The following MERTK variants were observed in gnomAD, a reference collection of about 807,000 sequenced individuals.
The protein encoded by MERTK is MER proto-oncogene, tyrosine kinase, also known as tyrosine-protein kinase Mer.
Under a neutral mutation model 99.3 loss-of-function variants are expected in MERTK, and 69 were observed. That is an observed-to-expected ratio of 0.70 (90% CI 0.57 to 0.85). The LOEUF (loss-of-function observed/expected upper bound fraction) is 0.85, where lower values mean the gene tolerates loss of function less well. MERTK is among the 40% of genes least tolerant of loss of function. MERTK has a pLI of 0.00. For synonymous variants in MERTK, 426 were observed against 467.6 expected, an observed-to-expected ratio of 0.91 and a Z score of 1.15; for missense variants, 1,125 against 1,249.4, an observed-to-expected ratio of 0.90 and a Z score of 1.50.
chr2:112,004,120 G>T, intron 13 of MERTK, 136 bp downstream of exon 13: 1 of 743,436 alleles, frequency 1.3e-6, no homozygotes, highest in Non-Finnish European at 2.4e-6. Context: ...CACCAAGGGG[G>T]ACTTACTTTA....
chr2:111,971,995 A>G (rs1676128213), intron 6 of MERTK, among the ~76,000 whole-genome samples: 1 of 151,616 alleles, frequency 6.6e-6, no homozygotes, highest in Non-Finnish European at 1.5e-5. Flanking sequence ...AGAAATATCC[A>G]GGGCCTCTTT....
At chr2:111,911,553 TA>T in intron 1 of MERTK, among the ~76,000 whole-genome samples, 1 of 152,022 alleles carries the variant, frequency 6.6e-6, no homozygotes, top group East Asian at 2.0e-4. Context: ...CATGCCCAGC[TA>T]ATTTTTGTAT....
chr2:111,947,284 C>A (rs771296735), intron 3 of MERTK, 110 bp from the exon 4 acceptor site: 4 of 710,792 alleles, frequency 5.6e-6, no homozygotes, highest in South Asian at 1.4e-5. Flanking sequence ...ACCCGCCCCC[C>A]ACAAAAAAAG....
At chr2:111,924,782 G>C (rs1684523365) in intron 1 of MERTK, among the ~76,000 whole-genome samples, 1 of 152,026 alleles carries the variant, frequency 6.6e-6, no homozygotes, top group South Asian at 2.1e-4. Context: ...AACTGGTTGG[G>C]CTACTTCCTG....
Position 112,028,707 on chromosome 2 carries a change from C to T in MERTK, c.2843C>T (p.Ala948Val), listed in dbSNP as rs773256203. The change falls in exon 19 of 19, where the codon GCA (alanine) becomes GTA (valine). Residue 948 changes from alanine (A) to valine (V), a missense_variant. Coordinates refer to ENST00000295408, the MANE Select transcript of MERTK (RefSeq NM_006343.3). ...WEDLTSAPSA[A>V]VTAEKNSVLP... ...GATCTGACTTCTGCCCCCTCTGCTG[C>T]AGTCACAGCTGAAAAGAACAGTGTT... 5 of 1,614,200 alleles carry T rather than the reference C, an allele frequency of 3.1e-6. No homozygotes were observed. Among genetic ancestry groups the T allele is most frequent in the Non-Finnish European group, 4.2e-6 (5 of 1,180,040 alleles).
intron 1 of MERTK, chr2:111,913,117 T>C (rs1008090216): frequency 1.0e-5 from 10 of 975,168 alleles, no homozygotes; most frequent in East Asian, 1.1e-4. Flanking sequence ...GTAGAAGATA[T>C]TGAACATAGA....
chr2:111,953,005 G>T (rs967363075), intron 4 of MERTK, among the ~76,000 whole-genome samples: 1 of 152,126 alleles, frequency 6.6e-6, no homozygotes, highest in African/African-American at 2.4e-5. Context: ...TTGAAGGCAG[G>T]AACTGAAGGA....
At chr2:111,961,154 T>TTC in intron 4 of MERTK, among the ~76,000 whole-genome samples, 3 of 149,266 alleles carry the variant, frequency 2.0e-5, no homozygotes, top group Non-Finnish European at 4.4e-5. Flanking sequence ...TAAATTTTCT[T>TTC]TCTTTTTTTT....
chr2:112,019,015 GACAC>G (rs56346356), intron 15 of MERTK, among the ~76,000 whole-genome samples: 81,539 of 150,692 alleles, frequency 0.54, 22,743 homozygotes, highest in Middle Eastern at 0.68. Context: ...TTAGACCCCT[GACAC>G]ACACACACAC....
intron 10 of MERTK, among the ~76,000 whole-genome samples, chr2:111,997,816 C>T (rs1389332419): frequency 6.6e-6 from 1 of 152,198 alleles, no homozygotes; most frequent in Non-Finnish European, 1.5e-5. Context: ...CTTTGGGAGG[C>T]CAAGGCAGGC....
intron 1 of MERTK, among the ~76,000 whole-genome samples, chr2:111,923,206 AG>A (rs1419407086): frequency 6.6e-6 from 1 of 152,246 alleles, no homozygotes; most frequent in Non-Finnish European, 1.5e-5. Flanking sequence ...AGGAAGTTAC[AG>A]ACAAGTATGT....
intron 1 of MERTK, among the ~76,000 whole-genome samples, chr2:111,908,407 C>T (rs368671682): frequency 5.3e-5 from 8 of 152,222 alleles, no homozygotes; most frequent in Non-Finnish European, 8.8e-5. Flanking sequence ...CACTACTTGA[C>T]GTAAGAAGTC....
chr2:112,022,124 A>C, intron 17 of MERTK, 134 bp from the exon 18 acceptor site: 1 of 1,186,232 alleles, frequency 8.4e-7, no homozygotes, highest in Non-Finnish European at 1.2e-6. Flanking sequence ...TTGGGAGAGC[A>C]GTGCGTCTCA....
chr2:111,962,041 A>T (rs1374630881), intron 4 of MERTK, among the ~76,000 whole-genome samples: 1 of 152,182 alleles, frequency 6.6e-6, no homozygotes, highest in Non-Finnish European at 1.5e-5. Flanking sequence ...TTTCCTACAC[A>T]TGTAGACAGA....
At chr2:111,940,433 G>T in intron 2 of MERTK, 1 of 545,976 alleles carries the variant, frequency 1.8e-6, no homozygotes, top group South Asian at 1.4e-5. Flanking sequence ...CACAGAATTT[G>T]AGTAGCTTCA....
chr2:111,900,362 A>G (rs1684020205), intron 1 of MERTK, among the ~76,000 whole-genome samples: 1 of 152,194 alleles, frequency 6.6e-6, no homozygotes, highest in African/African-American at 2.4e-5. Context: ...TCTGTTCTCC[A>G]CTGCCCCTCC....
At chr2:111,987,917 A>G (rs188228847) in intron 8 of MERTK, among the ~76,000 whole-genome samples, 1 of 152,010 alleles carries the variant, frequency 6.6e-6, no homozygotes, top group Non-Finnish European at 1.5e-5. Context: ...CTTCGTTTTC[A>G]AAGGTATAGA....
chr2:111,970,472 TAC>T (rs1418849980), intron 6 of MERTK, among the ~76,000 whole-genome samples: 1 of 152,200 alleles, frequency 6.6e-6, no homozygotes, highest in Non-Finnish European at 1.5e-5. Context: ...ATATTTTATA[TAC>T]CATTATATTC....
intron 2 of MERTK, among the ~76,000 whole-genome samples, chr2:111,935,480 A>C (rs1339175485): frequency 6.6e-6 from 1 of 152,200 alleles, no homozygotes; most frequent in African/African-American, 2.4e-5. Context: ...TCTTGCAATC[A>C]AATCTCAGTT....
Sources: allele counts gnomAD v4.1 joint callset (sites outside exome capture counted in the v4.1 genomes callset), GRCh38; gene constraint gnomAD v4.1.1; transcripts MANE v1.5; gene names NCBI Gene and HGNC (gene_info 2026-07-23, HGNC 2026-07-21).